DNAJA2: variants seen among roughly 807,000 people sequenced by gnomAD.
The protein encoded by DNAJA2 is DnaJ heat shock protein family (Hsp40) member A2, also known as dnaJ homolog subfamily A member 2.
Under a neutral mutation model 49.3 loss-of-function variants are expected in DNAJA2, and 6 were observed. The observed-to-expected ratio is 0.12, with a 90% CI of 0.07 to 0.24. The LOEUF (loss-of-function observed/expected upper bound fraction) is 0.24. Ranked by LOEUF, DNAJA2 falls within the 10% of genes least tolerant of loss-of-function variation. The pLI, the probability that DNAJA2 is intolerant of heterozygous loss-of-function variation, is 1.00. For synonymous variants in DNAJA2, 160 were observed against 172.7 expected, an observed-to-expected ratio of 0.93 and a Z score of 0.58; for missense variants, 347 against 516.8, an observed-to-expected ratio of 0.67 and a Z score of 3.19.
Position 46,968,092 on chromosome 16 carries a change from T to C in DNAJA2, c.435A>G (p.Ala145=), listed in dbSNP as rs1596657910. ...LQLSKNVLCS[A]CSGQGGKSGA... The stretch of plus-strand genomic sequence containing the variant: ...CCAGAAGACACACTTACCCACTGCA[T>C]GCACTACAGAGCACATTCTTGCTAA... Residue 145 remains alanine, a synonymous_variant, in exon 4 of 9, where the codon GCA becomes GCG. Coordinates refer to ENST00000317089, the MANE Select transcript of DNAJA2 (RefSeq NM_005880.4). 1.2e-6 allele frequency: 2 copies of C among 1,605,798 alleles called. No homozygotes were observed. The highest frequency in any genetic ancestry group is 1.7e-6 in the Non-Finnish European group (2 of 1,177,494).
intron 6 of DNAJA2, among the ~76,000 whole-genome samples, chr16:46,962,640 G>A (rs537419032): frequency 6.6e-6 from 1 of 152,298 alleles, no homozygotes; most frequent in East Asian, 1.9e-4. Context: ...GAAGGAACAA[G>A]GAAGTAGCTA....
At chr16:46,973,376 G>A (rs1962085664) in intron 1 of DNAJA2, 119 bp downstream of exon 1, 2 of 903,376 alleles carry the variant, frequency 2.2e-6, no homozygotes, top group African/African-American at 1.8e-5. Flanking sequence ...TCCCAGCCCG[G>A]GCCAGTCACG....
In DNAJA2 at chr16:46,966,425, T is replaced by C. The variant is rs9935214; in HGVS notation, c.577+1088A>G. On this transcript the variant is annotated intron_variant, in intron 5 of 8. Coordinates refer to ENST00000317089, the MANE Select transcript of DNAJA2 (RefSeq NM_005880.4). The stretch of plus-strand genomic sequence containing the variant: ...GTTTATGTTTAAATTAATTCAAATT[T>C]AAAATAGTTCTCCAGTCACACTAGC... Among the ~76,000 whole-genome samples the C allele has an allele frequency of 3.3e-3, 504 of 152,264 alleles. 1 individual carries two copies. The highest frequency in any genetic ancestry group is 0.011 in the African/African-American group (474 of 41,548).
At chr16:46,971,735 T>C in intron 2 of DNAJA2, 161 bp downstream of exon 2, 1 of 840,770 alleles carries the variant, frequency 1.2e-6, no homozygotes, top group Non-Finnish European at 1.9e-6. Flanking sequence ...CTCCTCAGAA[T>C]GGTAGTACTC....
intron 5 of DNAJA2, among the ~76,000 whole-genome samples, chr16:46,966,897 T>C (rs754499625): frequency 7.2e-5 from 11 of 152,200 alleles, no homozygotes; most frequent in Admixed American, 3.9e-4. Context: ...AGTCCTCCTA[T>C]GGTGGTCATT....
intron 6 of DNAJA2, among the ~76,000 whole-genome samples, chr16:46,959,817 G>T (rs946568726): frequency 4.0e-4 from 61 of 152,202 alleles, no homozygotes; most frequent in Non-Finnish European, 8.5e-4. Context: ...AACAGGGAAG[G>T]GGGGAGGGTC....
intron 8 of DNAJA2, chr16:46,958,581 C>CA (rs1211324567): frequency 0.039 from 1,785 of 45,566 alleles, 32 homozygotes; most frequent in South Asian, 0.12. Flanking sequence ...AAAACAAAAA[C>CA]AAACAAACAA....
intron 5 of DNAJA2, 105 bp from the exon 6 acceptor site, chr16:46,964,912 A>C: frequency 1.0e-6 from 1 of 975,428 alleles, no homozygotes; most frequent in Non-Finnish European, 1.5e-6. Flanking sequence ...TCACTACCTA[A>C]ATTTTTATTC....
rs1961799582 is a variant in DNAJA2 at position 46,955,771 on chromosome 16, G to A, written c.*1258C>T. On this transcript the variant is annotated 3_prime_UTR_variant, in exon 9 of 9. Transcript: ENST00000317089. The stretch of plus-strand genomic sequence containing the variant: ...TAAGTGTGTTCTAAAAATACCTACT[G>A]AGTGAAATGGTAAAAACCAGATGAT... 1 of 152,050 alleles carries A rather than the reference G, an allele frequency of 6.6e-6. No homozygotes were observed. Among genetic ancestry groups the A allele is most frequent in the African/African-American group, 2.4e-5 (1 of 41,404 alleles). 9.4% of individuals were successfully genotyped at this position (152,050 alleles called of 1,614,324 possible).
chr16:46,959,472 C>T (rs1191889182), intron 6 of DNAJA2, 53 bp from the exon 7 acceptor site: 4 of 1,499,404 alleles, frequency 2.7e-6, no homozygotes, highest in East Asian at 2.3e-5. Context: ...TGGAGGTACA[C>T]CCTGCAGCAT....
At chr16:46,968,398 C>T (rs1962004080) in intron 3 of DNAJA2, among the ~76,000 whole-genome samples, 1 of 152,210 alleles carries the variant, frequency 6.6e-6, no homozygotes, top group Non-Finnish European at 1.5e-5. Context: ...GAGCCTATAG[C>T]ATCAGGCCAA....
At chr16:46,957,577 TG>T (rs1441697179) in intron 8 of DNAJA2, among the ~76,000 whole-genome samples, 7 of 150,016 alleles carry the variant, frequency 4.7e-5, no homozygotes, top group African/African-American at 1.7e-4. Context: ...CACTCCAGCC[TG>T]GGTGACAGAG....
intron 8 of DNAJA2, 75 bp downstream of exon 8, chr16:46,958,927 GA>G: frequency 6.7e-7 from 1 of 1,503,124 alleles, no homozygotes; most frequent in Non-Finnish European, 8.9e-7. Flanking sequence ...CTGGGTGACA[GA>G]GACCCTGTCT....
rs1430826416 is a variant in DNAJA2 at position 46,955,935 on chromosome 16, G to C, written c.*1094C>G. The C allele has an allele frequency of 6.6e-6, 1 of 151,680 alleles. No homozygotes were observed. Among genetic ancestry groups the C allele is most frequent in the African/African-American group, 2.4e-5 (1 of 41,278 alleles). The allele number at this position is 151,680 out of a possible 1,614,324, so 9.4% of individuals were successfully genotyped here. ...TCAGTTGCCTTCATTCTTAAATTCT[G>C]AATAAGCATCTTACTTTTCTATAAA... On this transcript the variant is annotated 3_prime_UTR_variant, in exon 9 of 9. Coordinates refer to ENST00000317089, the MANE Select transcript of DNAJA2 (RefSeq NM_005880.4).
At position 46,973,483 on chromosome 16, in the gene DNAJA2, G is replaced by A. The variant is rs1415115737; in HGVS notation, c.78+12C>T. 1.9e-6 allele frequency: 3 copies of A among 1,591,944 alleles called. No homozygotes were observed. The highest frequency in any genetic ancestry group is 1.7e-6 in the Non-Finnish European group (2 of 1,173,280). ...CGCGCCCCTCACACCCGCCCGGCCC[G>A]CTCCCAGATACCTTCTTCAGCTCGT... On this transcript the variant is annotated intron_variant, in intron 1 of 8. Transcript: ENST00000317089.
At chr16:46,964,866 C>G (rs1257919591) in intron 5 of DNAJA2, 59 bp from the exon 6 acceptor site, 2 of 1,329,520 alleles carry the variant, frequency 1.5e-6, no homozygotes, top group African/African-American at 3.0e-5. Context: ...TCTTAATACC[C>G]TTATTCTTTA....
At chr16:46,964,834 C>T in intron 5 of DNAJA2, 27 bp from the exon 6 acceptor site, 1 of 1,584,752 alleles carries the variant, frequency 6.3e-7, no homozygotes, top group Non-Finnish European at 8.6e-7. Context: ...TTGAAACTTT[C>T]AGCAAGAGTA....
At chr16:46,962,887 A>T (rs1157767998) in intron 6 of DNAJA2, among the ~76,000 whole-genome samples, 1 of 152,152 alleles carries the variant, frequency 6.6e-6, no homozygotes, top group Non-Finnish European at 1.5e-5. Context: ...TTACTACCAA[A>T]TTCCTAAAAC....
chr16:46,959,219 T>C, intron 7 of DNAJA2, 56 bp downstream of exon 7: 4 of 1,582,438 alleles, frequency 2.5e-6, no homozygotes, highest in African/African-American at 2.7e-5. Context: ...AAATTACAAA[T>C]TGTAATTTTT....
Sources: allele counts gnomAD v4.1 joint callset (sites outside exome capture counted in the v4.1 genomes callset), GRCh38; gene constraint gnomAD v4.1.1; transcripts MANE v1.5; gene names NCBI Gene and HGNC (gene_info 2026-07-23, HGNC 2026-07-21).